The following PUS7L variants were observed in gnomAD, a reference collection of about 807,000 sequenced individuals.
PUS7L encodes pseudouridylate synthase PUS7L.
Under a neutral mutation model 51.1 loss-of-function variants are expected in PUS7L, and 49 were observed. The ratio of observed to expected loss-of-function variants is 0.96; its 90% CI spans 0.76 to 1.22. The LOEUF (loss-of-function observed/expected upper bound fraction) is 1.22, where lower values mean the gene tolerates loss of function less well. Ranked by LOEUF, PUS7L falls within the 50% of genes most tolerant of loss-of-function variation. The pLI, the probability that PUS7L is intolerant of heterozygous loss-of-function variation, is 0.00. For missense variants in PUS7L, 828 were observed against 820.6 expected (o/e 1.01, Z -0.11); for synonymous variants, 277 against 276.2 (o/e 1.00, Z -0.03).
chr12:43,721,631 C>T lies in PUS7L; in HGVS notation c.*8745G>A, dbSNP rs368729467. Reference sequence around the variant, plus strand: ...ACAGTAGATGATCCAGATATTTAATCAAATAAGTACAATACAATGTGAGCC... The same window carrying T: ...ACAGTAGATGATCCAGATATTTAATTAAATAAGTACAATACAATGTGAGCC... On this transcript the variant is annotated 3_prime_UTR_variant, in exon 9 of 9. Transcript: ENST00000344862. 135 of 152,116 alleles carry T rather than the reference C, an allele frequency of 8.9e-4. No individual in the cohort carries two copies. The highest frequency in any genetic ancestry group is 3.4e-3 in the Middle Eastern group (1 of 294). 9.4% of individuals were successfully genotyped at this position (152,116 alleles called of 1,614,324 possible).
At chr12:43,758,464 A>T in intron 1 of PUS7L, 1 of 985,534 alleles carries the variant, frequency 1.0e-6, no homozygotes, top group Non-Finnish European at 1.2e-6. Context: ...AGTCCTGCAG[A>T]AGCTACTTAA....
Position 43,758,667 on chromosome 12 carries a change from ACAC to A in PUS7L, c.-17+60_-17+62del, listed in dbSNP as rs1313550630. 6.6e-5 allele frequency: 28 copies of A among 424,358 alleles called. 1 individual carries two copies. Among genetic ancestry groups the A allele is most frequent in the Non-Finnish European group, 7.3e-5 (28 of 382,048 alleles). 26.3% of individuals were successfully genotyped at this position (424,358 alleles called of 1,614,324 possible). On this transcript the variant is annotated intron_variant, in intron 1 of 8. Transcript: ENST00000344862. ...GCCAACCTCGTCACCCCCCCCCCCC[ACAC>A]ACACACACACACACACACATACAAG...
chr12:43,756,917 T>C (rs1211485132), intron 1 of PUS7L, among the ~76,000 whole-genome samples: 2 of 152,186 alleles, frequency 1.3e-5, no homozygotes, highest in Non-Finnish European at 2.9e-5. Flanking sequence ...CTAGTCACAT[T>C]TGCAATAAAA....
At chr12:43,758,708 C>G in intron 1 of PUS7L, 22 bp downstream of exon 1, 2 of 954,280 alleles carry the variant, frequency 2.1e-6, no homozygotes, top group Non-Finnish European at 2.5e-6. Context: ...CACCATCGCG[C>G]AAGAAACTCG....
Position 43,754,362 on chromosome 12 carries a change from C to T in PUS7L, c.884G>A (p.Cys295Tyr). ...HKRGKRPLSE[C>Y]QEGKVIYTAF... is the part of the protein sequence containing the mutation. ...TGTATATATAACTTTTCCTTCTTGG[C>T]ATTCAGAAAGAGGCCTTTTCCCACG... is the stretch of plus-strand genomic sequence containing the variant. The change falls in exon 2 of 9, where the codon TGC becomes TAC. Residue 295 changes from cysteine (C) to tyrosine (Y), a missense_variant. Transcript: ENST00000344862. 3 of 1,597,078 alleles carry T rather than the reference C, an allele frequency of 1.9e-6. No individual in the cohort carries two copies. The South Asian group carries it at 3.4e-5, about 18-fold the overall frequency.
At chr12:43,747,757 AG>A (rs1239850500) in intron 3 of PUS7L, among the ~76,000 whole-genome samples, 10 of 152,230 alleles carry the variant, frequency 6.6e-5, no homozygotes, top group Non-Finnish European at 1.2e-4. Context: ...AGGTCTAGAG[AG>A]AAACAGAGAA....
At position 43,733,520 on chromosome 12, in the gene PUS7L, A is replaced by G. The variant is rs11182237; in HGVS notation, c.1726-1762T>C. Among the ~76,000 whole-genome samples the G allele has an allele frequency of 8.4e-3, 1,281 of 152,312 alleles. 16 individuals are homozygous for G. Among genetic ancestry groups the G allele is most frequent in the East Asian group, 0.062 (322 of 5,182 alleles). On this transcript the variant is annotated intron_variant, in intron 7 of 8. Transcript: ENST00000344862. ...CTCTTCTCCTATAGCTCCAAAAAGA[A>G]AGCAGCTAAAATTCCAATCACAAAA...
chr12:43,723,143 T>A lies in PUS7L; in HGVS notation c.*7233A>T, dbSNP rs544460666. The A allele has an allele frequency of 6.6e-6, 1 of 152,240 alleles. No homozygotes were observed. The highest frequency in any genetic ancestry group is 1.5e-5 in the Non-Finnish European group (1 of 67,966). 9.4% of individuals were successfully genotyped at this position (152,240 alleles called of 1,614,324 possible). A position where few individuals can be genotyped will look rare whatever the true frequency, so the allele number is the denominator to read the frequency against. ...AATTTCATGGCTATTCTGACTTCTT[T>A]CCATAGTAAAATTTTTCTTTTGTAA... On this transcript the variant is annotated 3_prime_UTR_variant, in exon 9 of 9. Transcript: ENST00000344862.
intron 2 of PUS7L, among the ~76,000 whole-genome samples, chr12:43,753,861 C>G (rs1013911604): frequency 1.4e-4 from 21 of 152,078 alleles, no homozygotes; most frequent in African/African-American, 4.3e-4. Flanking sequence ...CCAGCAGGAC[C>G]AAGTTTTCAG....
intron 3 of PUS7L, among the ~76,000 whole-genome samples, chr12:43,747,719 A>T (rs535568484): frequency 7.4e-4 from 112 of 152,328 alleles, no homozygotes; most frequent in African/African-American, 2.7e-3. Context: ...AATAAAAAAA[A>T]GTTTTTGTGT....
intron 8 of PUS7L, 143 bp from the exon 9 acceptor site, chr12:43,730,845 T>C: frequency 1.7e-6 from 1 of 596,944 alleles, no homozygotes; most frequent in South Asian, 2.3e-5. Flanking sequence ...TAAAACATGC[T>C]TTAAATAATA....
At position 43,719,920 on chromosome 12, in the gene PUS7L, C is replaced by T. The variant is rs1289739263; in HGVS notation, c.*10456G>A. On this transcript the variant is annotated 3_prime_UTR_variant, in exon 9 of 9. Coordinates refer to ENST00000344862, the MANE Select transcript of PUS7L (RefSeq NM_031292.5). ...ACCAACTTTTGGATTTGTAGATCGTCTCTTCTATTCTGGTTTTATTTCATT... is the reference window on the plus strand; with the variant it reads ...ACCAACTTTTGGATTTGTAGATCGTTTCTTCTATTCTGGTTTTATTTCATT... 6.6e-6 allele frequency: 1 copy of T among 152,102 alleles called. No individual in the cohort carries two copies. The highest frequency in any genetic ancestry group is 2.4e-5 in the African/African-American group (1 of 41,442). 9.4% of individuals were successfully genotyped at this position (152,102 alleles called of 1,614,324 possible). A position where few individuals can be genotyped will look rare whatever the true frequency, so the allele number is the denominator to read the frequency against.
In PUS7L at chr12:43,726,973, G is replaced by A. The variant is rs1944463230; in HGVS notation, c.*3403C>T. On this transcript the variant is annotated 3_prime_UTR_variant, in exon 9 of 9. Transcript: ENST00000344862. ...TGCATGAACAAAGGTCTGATATCCA[G>A]AATCTATGAAGAACTTAACAAGCAA... 1.3e-5 allele frequency: 2 copies of A among 152,076 alleles called. No homozygotes were observed. Among genetic ancestry groups the A allele is most frequent in the Admixed American group, 6.6e-5 (1 of 15,264 alleles). The allele number at this position is 152,076 out of a possible 1,614,324, so 9.4% of individuals were successfully genotyped here. A position where few individuals can be genotyped will look rare whatever the true frequency, so the allele number is the denominator to read the frequency against.
At chr12:43,742,628 T>C in intron 4 of PUS7L, 73 bp from the exon 5 acceptor site, 1 of 1,466,636 alleles carries the variant, frequency 6.8e-7, no homozygotes, top group Non-Finnish European at 9.0e-7. Context: ...CAATTGAATT[T>C]TTCTCTTCAT....
At chr12:43,738,988 A>C (rs1175691111) in intron 5 of PUS7L, 1 of 161,236 alleles carries the variant, frequency 6.2e-6, no homozygotes, top group Non-Finnish European at 1.4e-5. Context: ...CTGGAGTAGA[A>C]GTAAAATTAA....
At position 43,724,483 on chromosome 12, in the gene PUS7L, T is replaced by A. The variant is rs1944431062; in HGVS notation, c.*5893A>T. On this transcript the variant is annotated 3_prime_UTR_variant, in exon 9 of 9. Transcript: ENST00000344862. ...GAATTTGCTAGGCACCAGACATTGT[T>A]CTTAGTGTTTCATAAGACTTGCTAA... 6.6e-6 allele frequency: 1 copy of A among 152,120 alleles called. No individual in the cohort carries two copies. The highest frequency in any genetic ancestry group is 2.4e-5 in the African/African-American group (1 of 41,446). The allele number at this position is 152,120 out of a possible 1,614,324, so 9.4% of individuals were successfully genotyped here. A position where few individuals can be genotyped will look rare whatever the true frequency, so the allele number is the denominator to read the frequency against.
intron 6 of PUS7L, among the ~76,000 whole-genome samples, chr12:43,737,101 C>A: frequency 6.6e-6 from 1 of 152,156 alleles, no homozygotes; most frequent in East Asian, 1.9e-4. Flanking sequence ...GGGTTGAGAT[C>A]TGGAGCCTTC....
chr12:43,754,887 T>C lies in PUS7L; in HGVS notation c.359A>G (p.Glu120Gly), dbSNP rs957674960. 2 of 1,613,684 alleles carry C rather than the reference T, an allele frequency of 1.2e-6. No individual in the cohort carries two copies. Among genetic ancestry groups the C allele is most frequent in the African/African-American group, 2.7e-5 (2 of 74,920 alleles). ...TIVDGTSKCE[E>G]KADVLSSFLD... ...AAAGGAGCTTAAAACATCAGCTTTTTCTTCACATTTGGAAGTTCCATCAAC... is the reference window on the plus strand; with the variant it reads ...AAAGGAGCTTAAAACATCAGCTTTTCCTTCACATTTGGAAGTTCCATCAAC... The change falls in exon 2 of 9, where the codon GAA (glutamate) becomes GGA (glycine). Residue 120 changes from glutamate to glycine, a missense_variant. Transcript: ENST00000344862.
chr12:43,740,926 G>A (rs1454421560), intron 5 of PUS7L: 1 of 152,094 alleles, frequency 6.6e-6, no homozygotes, highest in Non-Finnish European at 1.5e-5. Flanking sequence ...CTCCATCCTG[G>A]TCAAGTCTTC....
Sources: allele counts gnomAD v4.1 joint callset (sites outside exome capture counted in the v4.1 genomes callset), GRCh38; gene constraint gnomAD v4.1.1; transcripts MANE v1.5; gene names NCBI Gene and HGNC (gene_info 2026-07-23, HGNC 2026-07-21).